TAFA5: variants seen among roughly 807,000 people sequenced by gnomAD.
TAFA5 encodes the protein TAFA chemokine like family member 5, also known as chemokine-like protein TAFA-5.
Under a neutral mutation model 15.3 loss-of-function variants are expected in TAFA5, and 6 were observed. The observed-to-expected ratio is 0.39, with a 90% CI of 0.21 to 0.77. TAFA5 has a LOEUF of 0.77. TAFA5 is among the 30% of genes least tolerant of loss of function. The pLI is 0.41. For synonymous variants in TAFA5, 103 were observed against 80.7 expected (o/e 1.28, Z -1.48); for missense variants, 161 against 193.1 (o/e 0.83, Z 0.98).
chr22:48,628,796 A>G (rs1926111874), intron 1 of TAFA5, among the ~76,000 whole-genome samples: 1 of 152,302 alleles, frequency 6.6e-6, no homozygotes, highest in East Asian at 1.9e-4. Flanking sequence ...GCGGCCACCA[A>G]CAGTTATGGG....
At chr22:48,514,671 T>C (rs1921342065) in intron 1 of TAFA5, among the ~76,000 whole-genome samples, 1 of 152,164 alleles carries the variant, frequency 6.6e-6, no homozygotes, top group South Asian at 2.1e-4. Flanking sequence ...CTTGTCCCGG[T>C]GGAGACCCAC....
intron 1 of TAFA5, among the ~76,000 whole-genome samples, chr22:48,518,577 C>T (rs555012449): frequency 3.3e-5 from 5 of 152,312 alleles, no homozygotes; most frequent in African/African-American, 9.6e-5. Flanking sequence ...ACAGTTCTCA[C>T]GGCATTATTG....
intron 1 of TAFA5, among the ~76,000 whole-genome samples, chr22:48,621,017 A>G: frequency 1.2e-5 from 1 of 80,106 alleles, no homozygotes; most frequent in Non-Finnish European, 2.5e-5. Context: ...CCACCCATCC[A>G]CCCACACTAT....
At chr22:48,523,110 G>A (rs1315015540) in intron 1 of TAFA5, among the ~76,000 whole-genome samples, 1 of 152,218 alleles carries the variant, frequency 6.6e-6, no homozygotes, top group Non-Finnish European at 1.5e-5. Context: ...TGGTGCCCGT[G>A]TCAAGGCTTC....
At chr22:48,714,024 T>C (rs1929332594) in intron 3 of TAFA5, among the ~76,000 whole-genome samples, 1 of 152,138 alleles carries the variant, frequency 6.6e-6, no homozygotes, top group Admixed American at 6.5e-5. Flanking sequence ...TCTGTGCCAA[T>C]CCGCCAGGCA....
chr22:48,691,882 C>T (rs1220471565), intron 2 of TAFA5, among the ~76,000 whole-genome samples: 1 of 152,178 alleles, frequency 6.6e-6, no homozygotes, highest in Non-Finnish European at 1.5e-5. Context: ...CTCCCAACTG[C>T]TTCCAGGAGG....
At chr22:48,608,683 G>A (rs1925286849) in intron 1 of TAFA5, among the ~76,000 whole-genome samples, 2 of 152,208 alleles carry the variant, frequency 1.3e-5, no homozygotes, top group South Asian at 2.1e-4. Context: ...TTTTACCTGT[G>A]CGTGCCAGAT....
At chr22:48,635,298 G>T (rs1222075495) in intron 1 of TAFA5, among the ~76,000 whole-genome samples, 1 of 152,188 alleles carries the variant, frequency 6.6e-6, no homozygotes, top group African/African-American at 2.4e-5. Flanking sequence ...GCTGCGAGAA[G>T]CAGAGGCCAG....
chr22:48,492,687 G>A (rs756958842), intron 1 of TAFA5, among the ~76,000 whole-genome samples: 1 of 152,200 alleles, frequency 6.6e-6, no homozygotes, highest in Non-Finnish European at 1.5e-5. Flanking sequence ...GCCCTGGATG[G>A]CTCACTTTAA....
In TAFA5 at chr22:48,598,991, T is replaced by C. The variant is rs1924867502; in HGVS notation, c.113-47606T>C. ...AAAGGGTATGACGGGCTGTGCCAGCTGGCAGAGGTGCATAGGGCCAGGGGA... is the reference window on the plus strand; with the variant it reads ...AAAGGGTATGACGGGCTGTGCCAGCCGGCAGAGGTGCATAGGGCCAGGGGA... On this transcript the variant is annotated intron_variant, in intron 1 of 3. Coordinates refer to ENST00000402357, the MANE Select transcript of TAFA5 (RefSeq NM_001082967.3). This position sits in a 1 kb window ranked among gnomAD's most constrained non-coding sequence, Gnocchi z 4.0. Among the ~76,000 whole-genome samples, 1 of 152,166 alleles carries C rather than the reference T, an allele frequency of 6.6e-6. No individual in the cohort carries two copies. The highest frequency in any genetic ancestry group is 2.4e-5 in the African/African-American group (1 of 41,456).
intron 2 of TAFA5, among the ~76,000 whole-genome samples, chr22:48,692,570 G>C (rs1428813601): frequency 6.6e-6 from 1 of 152,128 alleles, no homozygotes; most frequent in African/African-American, 2.4e-5. Context: ...GCCCTTACCT[G>C]GTTTTTGAAA....
intron 1 of TAFA5, among the ~76,000 whole-genome samples, chr22:48,578,475 T>TA (rs546784100): frequency 1.1e-4 from 16 of 152,186 alleles, no homozygotes; most frequent in Non-Finnish European, 1.3e-4. Context: ...AGGCCTCGCT[T>TA]AGTGGAGTAC....
chr22:48,567,601 G>A (rs565623471), intron 1 of TAFA5, among the ~76,000 whole-genome samples: 2 of 152,150 alleles, frequency 1.3e-5, no homozygotes, highest in Non-Finnish European at 1.5e-5. Flanking sequence ...CTGAGGAGAG[G>A]GGGGACAGGC....
chr22:48,527,301 C>T (rs1921813826), intron 1 of TAFA5, among the ~76,000 whole-genome samples: 1 of 152,250 alleles, frequency 6.6e-6, no homozygotes, highest in Admixed American at 6.5e-5. Flanking sequence ...CCTGGGGGGT[C>T]TCTGAGATCT....
chr22:48,647,566 G>T (rs964633648), intron 2 of TAFA5, among the ~76,000 whole-genome samples: 2 of 152,164 alleles, frequency 1.3e-5, no homozygotes, highest in African/African-American at 4.8e-5. Context: ...AAGGCCCAGT[G>T]TGTCCCGGGA....
At chr22:48,557,111 T>C (rs1350817465) in intron 1 of TAFA5, among the ~76,000 whole-genome samples, 1 of 152,152 alleles carries the variant, frequency 6.6e-6, no homozygotes, top group Non-Finnish European at 1.5e-5. Context: ...AGTAACGGCA[T>C]CAGAACTGTG....
chr22:48,581,027 T>C (rs28777724), intron 1 of TAFA5, among the ~76,000 whole-genome samples: 40,048 of 152,176 alleles, frequency 0.26, 5,895 homozygotes, highest in African/African-American at 0.39. Flanking sequence ...TAGGTGTGAA[T>C]GGCTGCTGGG....
intron 1 of TAFA5, among the ~76,000 whole-genome samples, chr22:48,628,013 A>C (rs1483965733): frequency 6.6e-6 from 1 of 151,346 alleles, no homozygotes; most frequent in African/African-American, 2.4e-5. Context: ...CCTTGCCCGG[A>C]GCGGAGGATG....
At chr22:48,663,563 C>T (rs997690650) in intron 2 of TAFA5, among the ~76,000 whole-genome samples, 1 of 152,224 alleles carries the variant, frequency 6.6e-6, no homozygotes, top group African/African-American at 2.4e-5. Context: ...GAGGTAAGCA[C>T]ACAGCATTGC....
Sources: gnomAD v4.1 joint callset for allele counts (sites outside exome capture counted in the v4.1 genomes callset) on GRCh38, gnomAD v4.1.1 for gene constraint, Gnocchi (gnomAD v3.1) non-coding constraint, MANE v1.5 for transcripts, NCBI Gene and HGNC (gene_info 2026-07-23, HGNC 2026-07-21) for gene names.